Variants in BNIPL observed in about 807,000 individuals in gnomAD.
BNIPL encodes the protein bcl-2/adenovirus E1B 19 kDa-interacting protein 2-like protein.
Under a neutral mutation model 47.0 loss-of-function variants are expected in BNIPL, and 33 were observed. The ratio of observed to expected loss-of-function variants is 0.70; its 90% CI spans 0.53 to 0.94. The LOEUF (loss-of-function observed/expected upper bound fraction) is 0.94, where lower values mean the gene tolerates loss of function less well. Among genes scored for constraint, BNIPL ranks in the 40% least tolerant of loss-of-function variants. The pLI is 0.00. For missense variants in BNIPL, 404 were observed against 445.2 expected, an observed-to-expected ratio of 0.91 and a Z score of 0.83; for synonymous variants, 145 against 162.7, an observed-to-expected ratio of 0.89 and a Z score of 0.83.
At chr1:151,041,245 G>GA (rs34403812) in intron 4 of BNIPL, among the ~76,000 whole-genome samples, 3 of 152,012 alleles carry the variant, frequency 2.0e-5, no homozygotes, top group East Asian at 1.9e-4. Context: ...GGGTCTATTG[G>GA]AAAAAAACAG....
rs767270789 is a variant in BNIPL at position 151,043,474 on chromosome 1, G to A, written c.719+40G>A. ...CTGAAGGGCTACAGGGCAGTGTTAG[G>A]GAGGGAAAAGTAAAAAAGAACTCCT... is the stretch of plus-strand genomic sequence containing the variant. On this transcript the variant is annotated intron_variant, in intron 6 of 9. Coordinates refer to ENST00000368931, the MANE Select transcript of BNIPL (RefSeq NM_138278.4). 9.0e-6 allele frequency: 14 copies of A among 1,558,790 alleles called. 1 individual carries two copies. The African/African-American group carries it at 1.4e-4, about 15-fold the overall frequency.
In BNIPL at chr1:151,046,133, G is replaced by A. The variant is rs746900120; in HGVS notation, c.1005G>A (p.Leu335=). The part of the protein sequence containing the change: ...SLGELAQLIS[L]DQVHIPEAVR... ...GGGAGCTGGCCCAACTCATATCCCT[G>A]GATCAAGTCCACATCCCTGAAGCTG... is the stretch of plus-strand genomic sequence containing the variant. The change falls in exon 9 of 10, where the codon CTG becomes CTA. Residue 335 remains leucine, a synonymous_variant. Transcript: ENST00000368931. The A allele has an allele frequency of 8.7e-6, 14 of 1,614,092 alleles. No individual in the cohort carries two copies. In the East Asian group the frequency reaches 2.7e-4, roughly 31 times the overall value.
intron 4 of BNIPL, among the ~76,000 whole-genome samples, chr1:151,041,468 G>GTGT (rs1218612104): frequency 6.6e-6 from 1 of 152,140 alleles, no homozygotes; most frequent in Non-Finnish European, 1.5e-5. Flanking sequence ...GCATGCTGAT[G>GTGT]TGTACCCATA....
chr1:151,043,827 T>G (rs1249264527), intron 7 of BNIPL, 100 bp downstream of exon 7: 1 of 1,398,324 alleles, frequency 7.2e-7, no homozygotes, highest in East Asian at 2.3e-5. Context: ...CTATTTTCTT[T>G]GTCCTTTTAC....
Position 151,037,712 on chromosome 1 carries a change from G to A in BNIPL, c.137+50G>A, listed in dbSNP as rs1675666767. On this transcript the variant is annotated intron_variant, in intron 2 of 9. Transcript: ENST00000368931. ...GAGAAGGGAGGGGTGGTCACGAATG[G>A]ACGGAGGGGATGGCGCGGCGGCTCA... 2.7e-6 allele frequency: 4 copies of A among 1,485,790 alleles called. No homozygotes were observed. The East Asian group carries it at 7.4e-5, about 27-fold the overall frequency. The allele number at this position is 1,485,790 out of a possible 1,614,324, so 92.0% of individuals were successfully genotyped here.
At position 151,046,089 on chromosome 1, in the gene BNIPL, C is replaced by T. The variant is rs147322488; in HGVS notation, c.961C>T (p.Arg321Cys). The T allele has an allele frequency of 3.9e-4, 629 of 1,614,072 alleles. No individual in the cohort carries two copies. The highest frequency in any genetic ancestry group is 3.5e-4 in the Non-Finnish European group (417 of 1,180,018). Reference protein sequence around the residue: ...FISSKFTRKIRFLDSLGELAQ... With the variant: ...FISSKFTRKICFLDSLGELAQ... ...CAGTTCCAAATTCACACGAAAAATCCGTTTTCTGGACAGCCTGGGGGAGCT... is the reference window on the plus strand; with the variant it reads ...CAGTTCCAAATTCACACGAAAAATCTGTTTTCTGGACAGCCTGGGGGAGCT... The change falls in exon 9 of 10, where the codon CGT becomes TGT. Residue 321 changes from arginine (R) to cysteine (C), a missense_variant. Coordinates refer to ENST00000368931, the MANE Select transcript of BNIPL (RefSeq NM_138278.4).
chr1:151,037,861 G>A (rs913991162), intron 2 of BNIPL, among the ~76,000 whole-genome samples, 199 bp downstream of exon 2: 13 of 151,952 alleles, frequency 8.6e-5, no homozygotes, highest in African/African-American at 3.1e-4. Context: ...TTAGCCAGGT[G>A]TGGTGGCACA....
rs920665271 is a variant in BNIPL, at chr1:151,038,835, G to A, written c.242G>A (p.Arg81His). 5 of 1,610,678 alleles carry A rather than the reference G, an allele frequency of 3.1e-6. No individual in the cohort carries two copies. Among genetic ancestry groups the A allele is most frequent in the South Asian group, 1.1e-5 (1 of 90,776 alleles). ...TPSTLALCGQ[R>H]PMRKRLSAPE... The stretch of plus-strand genomic sequence containing the variant: ...AGCACTTTAGCCCTGTGTGGCCAGC[G>A]CCCCATGCGCAAGCGTCTTTCTGCC... Residue 81 changes from arginine to histidine, a missense_variant, in exon 4 of 10, where the codon CGC (arginine) becomes CAC (histidine). Physicochemically the swap from Arg to His is conservative, Grantham distance 29. Transcript: ENST00000368931.
At position 151,043,341 on chromosome 1, in the gene BNIPL, G is replaced by A; in HGVS notation, c.626G>A (p.Gly209Asp). ...CCCTTACACTCTCCAGGTTACCACG[G>A]TGATGGCCTCAATGCTGTCATCCTT... The part of the protein sequence containing the change: ...KKVLSHGGYH[G>D]DGLNAVILFA... The change falls in exon 6 of 10, where the codon GGT becomes GAT. Residue 209 changes from glycine to aspartate, a missense_variant. Transcript: ENST00000368931. The A allele has an allele frequency of 6.2e-7, 1 of 1,606,560 alleles. No individual in the cohort carries two copies. The highest frequency in any genetic ancestry group is 8.5e-7 in the Non-Finnish European group (1 of 1,173,176).
rs1019461329 is a variant in BNIPL, at chr1:151,044,990, C to T, written c.852-807C>T. On this transcript the variant is annotated intron_variant, in intron 7 of 9. Transcript: ENST00000368931. ...AGCAGAAAAAGACCAGGTGGTCGGG[C>T]GCGGTGGCTCACGTCTGTAATCCCA... 3.9e-5 allele frequency: 50 copies of T among 1,270,406 alleles called. No homozygotes were observed. In the African/African-American group the frequency reaches 4.3e-4, roughly 11 times the overall value. The allele number at this position is 1,270,406 out of a possible 1,614,324, so 78.7% of individuals were successfully genotyped here.
chr1:151,042,917 A>C (rs1675877956), intron 4 of BNIPL, 39 bp from the exon 5 acceptor site: 2 of 1,438,094 alleles, frequency 1.4e-6, no homozygotes. Flanking sequence ...GAAGGTAGGA[A>C]ATCTGCCTTG....
chr1:151,036,654 T>C lies in BNIPL; in HGVS notation c.-72T>C. Reference sequence around the variant, plus strand: ...GAGACAGAAAAGAGGTAAGGAAGTGTTGGGGGCTGGGACAACCAGCTCCCC... The same window carrying C: ...GAGACAGAAAAGAGGTAAGGAAGTGCTGGGGGCTGGGACAACCAGCTCCCC... On this transcript the variant is annotated 5_prime_UTR_variant, in exon 1 of 10. Transcript: ENST00000368931. 7.3e-7 allele frequency: 1 copy of C among 1,375,672 alleles called. No individual in the cohort carries two copies. The highest frequency in any genetic ancestry group is 1.0e-6 in the Non-Finnish European group (1 of 965,146). 85.2% of individuals were successfully genotyped at this position (1,375,672 alleles called of 1,614,324 possible). A position where few individuals can be genotyped will look rare whatever the true frequency, so the allele number is the denominator to read the frequency against.
intron 7 of BNIPL, 73 bp from the exon 8 acceptor site, chr1:151,045,724 A>G: frequency 1.2e-6 from 2 of 1,610,918 alleles, no homozygotes; most frequent in East Asian, 4.5e-5. Flanking sequence ...GTTACAGTAC[A>G]GAAAACAGTT....
At chr1:151,038,315 A>G in intron 2 of BNIPL, 189 bp from the exon 3 acceptor site, 1 of 601,338 alleles carries the variant, frequency 1.7e-6, no homozygotes, top group South Asian at 2.0e-5. Flanking sequence ...TAGAGGCTGC[A>G]GTGAGCTGTG....
chr1:151,039,979 GGCCTCAAGTGATCCACCT>G (rs1675761804), intron 4 of BNIPL, among the ~76,000 whole-genome samples: 1 of 152,128 alleles, frequency 6.6e-6, no homozygotes, highest in Non-Finnish European at 1.5e-5. Context: ...TTGAGCTCCT[GGCCTCAAGTGATCCACCT>G]GCCTTGGCCT....
rs868643667 is a variant in BNIPL, at chr1:151,036,753, AAGAC to A, written c.32_35del (p.Thr11MetfsTer13). 6.8e-6 allele frequency: 11 copies of A among 1,611,372 alleles called. No individual in the cohort carries two copies. The highest frequency in any genetic ancestry group is 8.5e-6 in the Non-Finnish European group (10 of 1,177,622). ...GGGAACTATACAAGAGGCAGGAAAA[AAGAC>A]AGATGTTGGGTAAGTAAGATCTTGG... On this transcript the variant is annotated frameshift_variant, in exon 1 of 10. Transcript: ENST00000368931. LOFTEE classifies it high-confidence loss of function.
At chr1:151,046,256 C>T (rs1179310206) in intron 9 of BNIPL, 91 bp downstream of exon 9, 13 of 1,523,864 alleles carry the variant, frequency 8.5e-6, no homozygotes, top group Middle Eastern at 1.7e-4. Flanking sequence ...TACAAAAGAA[C>T]GAAAAGCTAG....
At chr1:151,044,898 G>A in intron 7 of BNIPL, 1 of 1,289,428 alleles carries the variant, frequency 7.8e-7, no homozygotes, top group Non-Finnish European at 1.0e-6. Context: ...AAGTAATCTT[G>A]GTCATGGAGC....
chr1:151,046,683 C>T lies in BNIPL; in HGVS notation c.1070C>T (p.Thr357Ile). 1 of 1,599,998 alleles carries T rather than the reference C, an allele frequency of 6.3e-7. No homozygotes were observed. The highest frequency in any genetic ancestry group is 8.6e-7 in the Non-Finnish European group (1 of 1,169,518). Residue 357 changes from threonine (T) to isoleucine (I), a missense_variant, in exon 10 of 10, where the codon ACA becomes ATA. Transcript: ENST00000368931. ...CGGGATCTCCATGGCTCAGGAGGGA[C>T]ATAGCACAGGACTGGATAAAAGGCC... ...LDRDLHGSGG[T>I]
Sources: allele counts gnomAD v4.1 joint callset (sites outside exome capture counted in the v4.1 genomes callset), GRCh38; gene constraint gnomAD v4.1.1; transcripts MANE v1.5; gene names NCBI Gene and HGNC (gene_info 2026-07-23, HGNC 2026-07-21).